Variants in ADISSP observed in about 807,000 individuals in gnomAD.
ADISSP encodes adipose secreted signaling protein, also known as adipose-secreted signaling protein.
chr20:3,765,453 A>T, the ADISSP span, among the ~76,000 whole-genome samples: 4 of 152,176 alleles, frequency 2.6e-5, no homozygotes, highest in East Asian at 7.7e-4. Flanking sequence ...CCTGTTTCCT[A>T]ATGTGTAACA....
the ADISSP span, among the ~76,000 whole-genome samples, chr20:3,765,904 T>C: frequency 2.0e-5 from 3 of 152,128 alleles, no homozygotes; most frequent in South Asian, 2.1e-4. Context: ...AAAAAAATTA[T>C]ACCCTTCCCC....
the ADISSP span, among the ~76,000 whole-genome samples, chr20:3,756,887 A>G: frequency 6.6e-6 from 1 of 152,196 alleles, no homozygotes; most frequent in African/African-American, 2.4e-5. Flanking sequence ...TCTCGTGGAA[A>G]ATTATTTACT....
chr20:3,760,138 G>A, the ADISSP span: 43 of 1,520,758 alleles, frequency 2.8e-5, no homozygotes, highest in Admixed American at 2.5e-4. Flanking sequence ...GCCAGACACC[G>A]CCACTCACGC....
At chr20:3,755,014 C>T in the ADISSP span, among the ~76,000 whole-genome samples, 1 of 152,188 alleles carries the variant, frequency 6.6e-6, no homozygotes, top group Non-Finnish European at 1.5e-5. Context: ...ACACCCTAGC[C>T]TCTGCCAGGC....
At chr20:3,754,541 T>C in the ADISSP span, 1 of 1,606,942 alleles carries the variant, frequency 6.2e-7, no homozygotes, top group Non-Finnish European at 8.5e-7. Flanking sequence ...CAGGGGCAAT[T>C]GGTCAGCACC....
At chr20:3,755,300 G>A in the ADISSP span, 5 of 630,760 alleles carry the variant, frequency 7.9e-6, no homozygotes, top group Non-Finnish European at 1.4e-5. Context: ...TCAGGACAGG[G>A]AGCAAGGCCT....
chr20:3,758,379 T>G, the ADISSP span, among the ~76,000 whole-genome samples: 11 of 152,080 alleles, frequency 7.2e-5, no homozygotes, highest in African/African-American at 2.4e-4. This position sits in a 1 kb window ranked among gnomAD's most constrained non-coding sequence, Gnocchi z 5.5. Context: ...CTCATTGAAA[T>G]CTCACTGCCT....
the ADISSP span, among the ~76,000 whole-genome samples, chr20:3,760,405 CAG>C: frequency 6.6e-6 from 1 of 152,228 alleles, no homozygotes. Context: ...CCCAGTGACT[CAG>C]GGTCCTGCCA....
chr20:3,758,264 G>T, the ADISSP span, among the ~76,000 whole-genome samples: 1 of 152,314 alleles, frequency 6.6e-6, no homozygotes, highest in African/African-American at 2.4e-5. The surrounding 1 kb of genome is among the most constrained non-coding windows in gnomAD (Gnocchi z 5.5). Flanking sequence ...CAGGCCACTG[G>T]CACCACAGCC....
At chr20:3,754,093 C>T in the ADISSP span, 21 of 1,613,386 alleles carry the variant, frequency 1.3e-5, no homozygotes, top group African/African-American at 5.3e-5. Flanking sequence ...TGCTCTGAGT[C>T]GTATTCCAGC....
At chr20:3,760,950 C>T in the ADISSP span, among the ~76,000 whole-genome samples, 4 of 152,166 alleles carry the variant, frequency 2.6e-5, no homozygotes, top group Non-Finnish European at 4.4e-5. Flanking sequence ...AAAAGCAGTG[C>T]ATTCACAGAG....
the ADISSP span, among the ~76,000 whole-genome samples, chr20:3,766,921 T>G: frequency 6.6e-6 from 1 of 152,132 alleles, no homozygotes; most frequent in South Asian, 2.1e-4. Context: ...CCCTGCTTAC[T>G]AATGGAAACA....
chr20:3,767,877 G>T, the ADISSP span: 1 of 152,262 alleles, frequency 6.6e-6, no homozygotes, highest in Non-Finnish European at 1.5e-5. Flanking sequence ...GCCAACTGGC[G>T]AGGGCCGCCT....
At chr20:3,759,895 C>T in the ADISSP span, 43 of 967,442 alleles carry the variant, frequency 4.4e-5, no homozygotes, top group African/African-American at 4.8e-4. This position sits in a 1 kb window ranked among gnomAD's most constrained non-coding sequence, Gnocchi z 4.6. Context: ...CTAGGGCTTG[C>T]GTGAGCCCCA....
At chr20:3,763,431 G>A in the ADISSP span, among the ~76,000 whole-genome samples, 4 of 146,724 alleles carry the variant, frequency 2.7e-5, no homozygotes. Flanking sequence ...GGTGGCGCAT[G>A]CCTGTAATCC....
chr20:3,762,728 AAAAC>A, the ADISSP span, among the ~76,000 whole-genome samples: 2 of 152,250 alleles, frequency 1.3e-5, no homozygotes, highest in Non-Finnish European at 2.9e-5. Flanking sequence ...TTTTTGCACT[AAAAC>A]AAAGTTACTT....
At chr20:3,753,618 A>G in the ADISSP span, 1 of 202,436 alleles carries the variant, frequency 4.9e-6, no homozygotes, top group Non-Finnish European at 1.0e-5. Context: ...CCTCCCTCCT[A>G]CTCATGGTGG....
chr20:3,760,483 C>G, the ADISSP span, among the ~76,000 whole-genome samples: 4 of 152,322 alleles, frequency 2.6e-5, no homozygotes, highest in South Asian at 8.3e-4. Context: ...CCCAGCACCC[C>G]CAGAGACTGG....
the ADISSP span, chr20:3,754,554 C>G: frequency 6.3e-7 from 1 of 1,596,592 alleles, no homozygotes; most frequent in African/African-American, 1.3e-5. Flanking sequence ...TCAGCACCTC[C>G]CCCAGCCTCC....
Sources: allele counts gnomAD v4.1 joint callset (sites outside exome capture counted in the v4.1 genomes callset), GRCh38; gene constraint gnomAD v4.1.1; non-coding constraint Gnocchi (gnomAD v3.1); transcripts MANE v1.5; gene names NCBI Gene and HGNC (gene_info 2026-07-23, HGNC 2026-07-21).